Variants in FHAD1 observed in about 807,000 individuals in gnomAD.
FHAD1 encodes forkhead associated phosphopeptide binding domain 1.
FHAD1 carries 146 observed loss-of-function variants against 191.3 expected under a neutral mutation model. The ratio of observed to expected loss-of-function variants is 0.76; its 90% CI spans 0.67 to 0.88. The LOEUF (loss-of-function observed/expected upper bound fraction) is 0.88. FHAD1 is among the 40% of genes least tolerant of loss of function. The pLI is 0.00. For synonymous variants in FHAD1, 616 were observed against 672.3 expected (o/e 0.92, Z 1.29); for missense variants, 1,635 against 1,785.8 (o/e 0.92, Z 1.52).
At chr1:15,333,125 G>A (rs1441696263) in intron 14 of FHAD1, among the ~76,000 whole-genome samples, 2 of 152,210 alleles carry the variant, frequency 1.3e-5, no homozygotes, top group Admixed American at 6.5e-5. Context: ...TCAGTAAGCA[G>A]GGCCCATCTT....
intron 2 of FHAD1, among the ~76,000 whole-genome samples, chr1:15,267,914 A>T (rs1654244861): frequency 1.4e-5 from 2 of 144,610 alleles, no homozygotes; most frequent in Admixed American, 1.4e-4. Context: ...GGTATATATA[A>T]AATATGTTTT....
intron 8 of FHAD1, among the ~76,000 whole-genome samples, chr1:15,315,718 C>T (rs2101373917): frequency 6.6e-6 from 1 of 152,160 alleles, no homozygotes; most frequent in Non-Finnish European, 1.5e-5. Context: ...AATCTCCTGA[C>T]CTCATGATCT....
Position 15,380,882 on chromosome 1 carries a change from A to C in FHAD1, c.3801+86A>C. 5.4e-6 allele frequency: 5 copies of C among 928,072 alleles called. No homozygotes were observed. The Admixed American group carries it at 9.2e-5, about 17-fold the overall frequency. 57.5% of individuals were successfully genotyped at this position (928,072 alleles called of 1,614,324 possible). A position where few individuals can be genotyped will look rare whatever the true frequency, so the allele number is the denominator to read the frequency against. ...TTGAACGCAGGATAGTTTAAATATC[A>C]ACCTCACATGCCTATTTAGTTACTC... On this transcript the variant is annotated intron_variant, in intron 29 of 33. Coordinates refer to ENST00000688493, the MANE Select transcript of FHAD1 (RefSeq NM_001391957.1).
intron 4 of FHAD1, among the ~76,000 whole-genome samples, chr1:15,296,464 A>G (rs112240561): frequency 0.012 from 1,825 of 152,262 alleles, 30 homozygotes; most frequent in African/African-American, 0.042. Context: ...CATGTTAGCC[A>G]GGATGGTCTC....
At chr1:15,315,268 T>C (rs1314229730) in intron 8 of FHAD1, 7 of 152,112 alleles carry the variant, frequency 4.6e-5, no homozygotes, top group Non-Finnish European at 7.4e-5. Context: ...TGAGTGCATA[T>C]TCCTTCTGTT....
intron 1 of FHAD1, among the ~76,000 whole-genome samples, chr1:15,248,508 G>C (rs1646373111): frequency 6.6e-6 from 1 of 151,978 alleles, no homozygotes; most frequent in African/African-American, 2.4e-5. Flanking sequence ...GGAACCCCAA[G>C]CTCAGGAAAC....
chr1:15,347,508 G>A (rs569234020), intron 18 of FHAD1, among the ~76,000 whole-genome samples: 16 of 152,304 alleles, frequency 1.1e-4, no homozygotes, highest in South Asian at 6.2e-4. Flanking sequence ...GGAGTGCAGC[G>A]GCATGATCTT....
rs1279051406 is a variant in FHAD1 at position 15,318,627 on chromosome 1, C to T, written c.1365+699C>T. On this transcript the variant is annotated intron_variant, in intron 10 of 33. Transcript: ENST00000688493. The surrounding 1 kb of genome is among the most constrained non-coding windows in gnomAD (Gnocchi z 4.1). ...CCAGCCTGGGCGACAGAGCAAGACT[C>T]CGTCTCAAAAAAAAAAAAATTTAAT... Among the ~76,000 whole-genome samples the T allele has an allele frequency of 6.6e-6, 1 of 151,922 alleles. No homozygotes were observed. The highest frequency in any genetic ancestry group is 2.4e-5 in the African/African-American group (1 of 41,432).
At chr1:15,336,706 G>A (rs1394567434) in intron 14 of FHAD1, among the ~76,000 whole-genome samples, 6 of 152,122 alleles carry the variant, frequency 3.9e-5, no homozygotes, top group African/African-American at 1.2e-4. Context: ...TTTAAGAAGC[G>A]TGTTGCACCC....
Position 15,316,380 on chromosome 1 carries a change from C to G in FHAD1, c.1173C>G (p.Cys391Trp), listed in dbSNP as rs886087336. The part of the protein sequence containing the change: ...DHQLEALGSR[C>W]SVLKEELKQE... ...CTGTGTTGCCCTTTTCTCCACAGTG[C>G]TCGGTGCTAAAGGAAGAGTTAAAAC... Residue 391 changes from cysteine to tryptophan, a missense_variant and splice_region_variant, in exon 9 of 34, where the codon TGC (cysteine) becomes TGG (tryptophan). Cys to Trp is a radical substitution (Grantham distance 215). Transcript: ENST00000688493. This position sits in a 1 kb window ranked among gnomAD's most constrained non-coding sequence, Gnocchi z 4.3. The G allele has an allele frequency of 1.3e-6, 2 of 1,551,482 alleles. No individual in the cohort carries two copies. The highest frequency in any genetic ancestry group is 1.7e-6 in the Non-Finnish European group (2 of 1,146,954).
chr1:15,265,699 C>T (rs1024167277), intron 2 of FHAD1, among the ~76,000 whole-genome samples: 10 of 152,016 alleles, frequency 6.6e-5, no homozygotes, highest in South Asian at 6.2e-4. Context: ...AGGCTGGGTG[C>T]GGTGGCTCAC....
chr1:15,319,904 C>T (rs1274864739), intron 10 of FHAD1, among the ~76,000 whole-genome samples: 1 of 152,174 alleles, frequency 6.6e-6, no homozygotes, highest in South Asian at 2.1e-4. Context: ...CTAGAAAATA[C>T]CCTCTCAATG....
Position 15,327,201 on chromosome 1 carries a change from A to G in FHAD1, c.1557+59A>G. The G allele has an allele frequency of 8.5e-7, 1 of 1,178,554 alleles. No individual in the cohort carries two copies. Among genetic ancestry groups the G allele is most frequent in the Non-Finnish European group, 1.2e-6 (1 of 812,134 alleles). The allele number at this position is 1,178,554 out of a possible 1,614,324, so 73.0% of individuals were successfully genotyped here. ...ACTTTCCTCTTCTTCTTCTTCGTGG[A>G]TCTGGATTCCAGACCCTGGGAGCAT... On this transcript the variant is annotated intron_variant, in intron 12 of 33. Coordinates refer to ENST00000688493, the MANE Select transcript of FHAD1 (RefSeq NM_001391957.1). This position sits in a 1 kb window ranked among gnomAD's most constrained non-coding sequence, Gnocchi z 5.1.
intron 3 of FHAD1, among the ~76,000 whole-genome samples, chr1:15,275,031 C>T (rs1292086183): frequency 2.0e-5 from 3 of 151,988 alleles, no homozygotes; most frequent in Non-Finnish European, 4.4e-5. Flanking sequence ...GGCCCGAGCT[C>T]GGCTCGCTGC....
chr1:15,387,274 A>G (rs948665593), intron 31 of FHAD1, among the ~76,000 whole-genome samples: 9 of 152,078 alleles, frequency 5.9e-5, no homozygotes, highest in Non-Finnish European at 1.5e-5. Flanking sequence ...GGGCCCAGGT[A>G]TTTTCAAGAT....
At position 15,296,751 on chromosome 1, in the gene FHAD1, T is replaced by G; in HGVS notation, c.636T>G (p.Pro212=). 1 of 1,551,802 alleles carries G rather than the reference T, an allele frequency of 6.4e-7. No homozygotes were observed. The highest frequency in any genetic ancestry group is 1.2e-5 in the South Asian group (1 of 84,040). ...AGGGGATTCCTGGGGCAGTTCCCCC[T>G]GCGGAGATTTATGTGGAGGAGGACT... The part of the protein sequence containing the change: ...VAEGIPGAVP[P]AEIYVEEDLA... The change falls in exon 5 of 34, where the codon CCT becomes CCG. Residue 212 remains proline (P), a synonymous_variant. Transcript: ENST00000688493.
intron 28 of FHAD1, among the ~76,000 whole-genome samples, chr1:15,376,339 C>T (rs182396389): frequency 6.6e-6 from 1 of 152,184 alleles, no homozygotes; most frequent in Non-Finnish European, 1.5e-5. Flanking sequence ...ATCCGCCCGC[C>T]TCGGCCTCCC....
At chr1:15,401,333 A>G (rs1707121640), downstream of FHAD1, among the ~76,000 whole-genome samples, 1 of 152,166 alleles carries the variant, frequency 6.6e-6, no homozygotes, top group Non-Finnish European at 1.5e-5. Context: ...ATTTACTACG[A>G]CGCTCTGCTA....
intron 15 of FHAD1, 81 bp from the exon 16 acceptor site, chr1:15,341,655 A>C: frequency 8.0e-7 from 1 of 1,251,798 alleles, no homozygotes; most frequent in Non-Finnish European, 1.1e-6. Flanking sequence ...AGAAAGGTAA[A>C]CAATTGGTAA....
Sources: gnomAD v4.1 joint callset for allele counts (sites outside exome capture counted in the v4.1 genomes callset) on GRCh38, gnomAD v4.1.1 for gene constraint, Gnocchi (gnomAD v3.1) non-coding constraint, MANE v1.5 for transcripts, NCBI Gene and HGNC (gene_info 2026-07-23, HGNC 2026-07-21) for gene names.